SDK1: variants seen among roughly 807,000 people sequenced by gnomAD.
The protein encoded by SDK1 is protein sidekick-1.
SDK1 carries 157 observed loss-of-function variants against 245.5 expected under a neutral mutation model. The observed-to-expected ratio is 0.64, with a 90% CI of 0.56 to 0.73. The LOEUF is 0.73. SDK1 is among the 30% of genes least tolerant of loss of function. SDK1 has a pLI of 0.00. For synonymous variants in SDK1, 1,647 were observed against 1,278.5 expected, an observed-to-expected ratio of 1.29 and a Z score of -6.15; for missense variants, 3,583 against 3,002.3, an observed-to-expected ratio of 1.19 and a Z score of -4.52.
chr7:3,627,317 T>C (rs1434429947), intron 2 of SDK1, among the ~76,000 whole-genome samples: 1 of 152,166 alleles, frequency 6.6e-6, no homozygotes, highest in Non-Finnish European at 1.5e-5. Context: ...TACCGGATCC[T>C]CTGGGGAAAG....
chr7:3,555,776 T>G (rs528572927), intron 1 of SDK1, among the ~76,000 whole-genome samples: 1 of 152,296 alleles, frequency 6.6e-6, no homozygotes, highest in Non-Finnish European at 1.5e-5. Flanking sequence ...GAATAGATAT[T>G]TTGCAAAAGA....
At chr7:3,393,383 A>C (rs1781810891) in intron 1 of SDK1, among the ~76,000 whole-genome samples, 1 of 152,144 alleles carries the variant, frequency 6.6e-6, no homozygotes, top group Admixed American at 6.6e-5. Context: ...CAGTGGCTGC[A>C]CCATTATACT....
chr7:3,540,877 A>C (rs1385641193), intron 1 of SDK1, among the ~76,000 whole-genome samples: 1 of 152,224 alleles, frequency 6.6e-6, no homozygotes, highest in East Asian at 1.9e-4. Flanking sequence ...ACTGTCAAGG[A>C]ATCACTATTT....
At chr7:3,885,558 C>A (rs576876923) in intron 5 of SDK1, among the ~76,000 whole-genome samples, 4 of 152,320 alleles carry the variant, frequency 2.6e-5, no homozygotes, top group Admixed American at 2.0e-4. Flanking sequence ...GCCTGTACCA[C>A]CTGGCTGCGG....
Position 3,905,427 on chromosome 7 carries a change from A to C in SDK1, c.848-45496A>C, listed in dbSNP as rs147529118. 8.5e-5 allele frequency among the ~76,000 whole-genome samples: 13 copies of C among 152,202 alleles called. No individual in the cohort carries two copies. The East Asian group carries it at 1.4e-3, about 16-fold the overall frequency. On this transcript the variant is annotated intron_variant, in intron 5 of 44. Transcript: ENST00000404826. ...TTCAATCCTTTGACACTTTTGTTAC[A>C]TTTTATTTTAGGCTTTTTATTTTTC...
intron 22 of SDK1, among the ~76,000 whole-genome samples, chr7:4,094,940 C>T (rs1174474099): frequency 6.6e-6 from 1 of 152,306 alleles, no homozygotes; most frequent in East Asian, 1.9e-4. Flanking sequence ...TAGGTAAATT[C>T]AAAGATTTTC....
chr7:3,559,572 T>G (rs1779686297), intron 1 of SDK1, among the ~76,000 whole-genome samples: 1 of 152,182 alleles, frequency 6.6e-6, no homozygotes, highest in South Asian at 2.1e-4. Context: ...TTGACGCTCT[T>G]TTCTGATTCA....
At chr7:3,366,018 G>A (rs888752753) in intron 1 of SDK1, among the ~76,000 whole-genome samples, 13 of 145,300 alleles carry the variant, frequency 8.9e-5, no homozygotes, top group South Asian at 2.2e-4. Context: ...CAGCTTGGGC[G>A]ACAAGAATGA....
intron 5 of SDK1, among the ~76,000 whole-genome samples, chr7:3,875,117 G>A (rs1041005758): frequency 1.2e-4 from 19 of 152,198 alleles, no homozygotes; most frequent in Non-Finnish European, 2.1e-4. Context: ...CTTATAGTGA[G>A]TTCAAGGTGT....
chr7:3,480,296 G>C (rs1781475273), intron 1 of SDK1, among the ~76,000 whole-genome samples: 1 of 152,210 alleles, frequency 6.6e-6, no homozygotes, highest in Admixed American at 6.5e-5. Context: ...AGTGGCTCAT[G>C]TGAAAACCTA....
chr7:3,641,686 G>T (rs566090368), intron 3 of SDK1, among the ~76,000 whole-genome samples: 2 of 152,366 alleles, frequency 1.3e-5, no homozygotes, highest in African/African-American at 4.8e-5. Flanking sequence ...GACAGTTGCA[G>T]ACATTTCCTT....
Position 3,723,166 on chromosome 7 carries a change from G to A in SDK1, c.713+81061G>A, listed in dbSNP as rs540404671. On this transcript the variant is annotated intron_variant, in intron 4 of 44. Coordinates refer to ENST00000404826, the MANE Select transcript of SDK1 (RefSeq NM_152744.4). ...GTGTGTTCTAAAATAAAAGGCTTCTGTACTCAAAATTGAGCTTTGTCCCTG... is the reference window on the plus strand; with the variant it reads ...GTGTGTTCTAAAATAAAAGGCTTCTATACTCAAAATTGAGCTTTGTCCCTG... 2.6e-5 allele frequency among the ~76,000 whole-genome samples: 4 copies of A among 152,314 alleles called. No individual in the cohort carries two copies. The East Asian group carries it at 7.7e-4, about 29-fold the overall frequency.
intron 5 of SDK1, among the ~76,000 whole-genome samples, chr7:3,917,013 A>G (rs1460946933): frequency 6.6e-5 from 10 of 152,200 alleles, no homozygotes. Flanking sequence ...AAGCTCACAG[A>G]CTGGGGGCAA....
Position 4,049,330 on chromosome 7 carries a change from A to C in SDK1, c.2603-18A>C. 6.2e-7 allele frequency: 1 copy of C among 1,605,948 alleles called. No individual in the cohort carries two copies. Among genetic ancestry groups the C allele is most frequent in the Non-Finnish European group, 8.5e-7 (1 of 1,173,262 alleles). On this transcript the variant is annotated intron_variant, in intron 17 of 44. Transcript: ENST00000404826. ...CCTGCCATTTGTTCTGCTGTCATCAATGACTGCCCTGCCACAGTGCCCACC... is the reference window on the plus strand; with the variant it reads ...CCTGCCATTTGTTCTGCTGTCATCACTGACTGCCCTGCCACAGTGCCCACC...
At chr7:3,595,436 C>G (rs1055331186) in intron 1 of SDK1, among the ~76,000 whole-genome samples, 1 of 151,940 alleles carries the variant, frequency 6.6e-6, no homozygotes, top group Non-Finnish European at 1.5e-5. Context: ...TTTGCTTGGT[C>G]TTGGGTAAGA....
intron 2 of SDK1, among the ~76,000 whole-genome samples, chr7:3,634,370 G>T (rs1782392287): frequency 6.6e-6 from 1 of 152,154 alleles, no homozygotes; most frequent in Admixed American, 6.5e-5. Flanking sequence ...CACAACTGAG[G>T]CTTTCTCCTA....
rs192591363 is a variant in SDK1, at chr7:4,141,187, A to T, written c.4229-4535A>T. Among the ~76,000 whole-genome samples the T allele has an allele frequency of 9.6e-4, 146 of 152,312 alleles. 1 individual carries two copies. The highest frequency in any genetic ancestry group is 3.2e-3 in the African/African-American group (135 of 41,572). On this transcript the variant is annotated intron_variant, in intron 28 of 44. Coordinates refer to ENST00000404826, the MANE Select transcript of SDK1 (RefSeq NM_152744.4). Reference sequence around the variant, plus strand: ...GAAGGGGCAAGTGCATAACCACATGATGGAAGCCTGTGTAGTCTGCGGCAT... The same window carrying T: ...GAAGGGGCAAGTGCATAACCACATGTTGGAAGCCTGTGTAGTCTGCGGCAT...
At chr7:3,521,096 A>G (rs1350707368) in intron 1 of SDK1, among the ~76,000 whole-genome samples, 1 of 152,114 alleles carries the variant, frequency 6.6e-6, no homozygotes, top group East Asian at 1.9e-4. Context: ...TGATTGTCGG[A>G]TGGAAGCCTC....
In SDK1 at chr7:3,672,687, A is replaced by T. The variant is rs977202836; in HGVS notation, c.713+30582A>T. ...TTTATATATAAATTTGTTATTAAAT[A>T]AAATTTATATTAAATAAAAATTAAA... On this transcript the variant is annotated intron_variant, in intron 4 of 44. Coordinates refer to ENST00000404826, the MANE Select transcript of SDK1 (RefSeq NM_152744.4). 3.4e-3 allele frequency among the ~76,000 whole-genome samples: 466 copies of T among 138,060 alleles called. 5 individuals are homozygous for T. Among genetic ancestry groups the T allele is most frequent in the African/African-American group, 0.012 (434 of 37,494 alleles). 90.6% of individuals were successfully genotyped at this position (138,060 alleles called of 152,430 possible). A position where few individuals can be genotyped will look rare whatever the true frequency, so the allele number is the denominator to read the frequency against.
Sources: allele counts gnomAD v4.1 joint callset (sites outside exome capture counted in the v4.1 genomes callset), GRCh38; gene constraint gnomAD v4.1.1; transcripts MANE v1.5; gene names NCBI Gene and HGNC (gene_info 2026-07-23, HGNC 2026-07-21).